Variants in ATP10B observed in about 807,000 individuals in gnomAD.
ATP10B encodes the protein ATPase phospholipid transporting 10B (putative).
Under a neutral mutation model 141.2 loss-of-function variants are expected in ATP10B, and 122 were observed. The ratio of observed to expected loss-of-function variants is 0.86; its 90% CI spans 0.75 to 1.00. The LOEUF (loss-of-function observed/expected upper bound fraction) is 1.00. ATP10B is among the 50% of genes least tolerant of loss of function. The pLI is 0.00. For synonymous variants in ATP10B, 685 were observed against 692.0 expected, an observed-to-expected ratio of 0.99 and a Z score of 0.16; for missense variants, 1,876 against 1,825.3, an observed-to-expected ratio of 1.03 and a Z score of -0.51.
At chr5:160,745,045 C>G (rs1767709306) in intron 2 of ATP10B, among the ~76,000 whole-genome samples, 1 of 152,222 alleles carries the variant, frequency 6.6e-6, no homozygotes, top group Non-Finnish European at 1.5e-5. Flanking sequence ...TCAGTTTCCT[C>G]AAAGGGTTGT....
intron 2 of ATP10B, among the ~76,000 whole-genome samples, chr5:160,781,139 G>T (rs1387225131): frequency 6.6e-6 from 1 of 152,120 alleles, no homozygotes; most frequent in Non-Finnish European, 1.5e-5. Context: ...AGAAATCCAG[G>T]TGAATGACCA....
Position 160,620,901 on chromosome 5 carries a change from A to G in ATP10B, c.1862T>C (p.Ile621Thr). ...CTTCAACTTCTGGAAGAGCTGCTGA[A>G]TCTTCTCCAGGGACGTCCCCAGAGC... Reference protein sequence around the residue: ...SKALGTSLEKIQQLFQKLKLL... With the variant: ...SKALGTSLEKTQQLFQKLKLL... The change falls in exon 15 of 26, where the codon ATT becomes ACT. Residue 621 changes from isoleucine (I) to threonine (T), a missense_variant. Transcript: ENST00000327245. 6.2e-7 allele frequency: 1 copy of G among 1,614,200 alleles called. No individual in the cohort carries two copies. The highest frequency in any genetic ancestry group is 8.5e-7 in the Non-Finnish European group (1 of 1,180,032).
chr5:160,786,271 C>A (rs1446923824), intron 1 of ATP10B, among the ~76,000 whole-genome samples: 3 of 152,272 alleles, frequency 2.0e-5, no homozygotes, highest in East Asian at 1.9e-4. Context: ...CATGGGAAAT[C>A]AAGACTGCAG....
At chr5:160,923,407 GTAAACGATGATGACA>G in the ATP10B span, among the ~76,000 whole-genome samples, 2 of 152,154 alleles carry the variant, frequency 1.3e-5, no homozygotes, top group Admixed American at 6.5e-5. Context: ...TTTCTAATCT[GTAAACGATGATGACA>G]GTATTTACCT....
At chr5:160,730,612 G>A (rs959184442) in intron 2 of ATP10B, among the ~76,000 whole-genome samples, 20 of 151,890 alleles carry the variant, frequency 1.3e-4, no homozygotes, top group African/African-American at 4.8e-4. Context: ...TTTTTCTTTT[G>A]CATGTGCACA....
intron 2 of ATP10B, among the ~76,000 whole-genome samples, chr5:160,751,857 A>G (rs35947123): frequency 0.027 from 4,161 of 152,272 alleles, 76 homozygotes; most frequent in Non-Finnish European, 0.043. Context: ...GAAAAAGTAT[A>G]TTTCACATTT....
rs987875775 is a variant in ATP10B, at chr5:160,615,694, C to T, written c.2653+144G>A. ...TGTCTGGGTTGGGTATTGGCATGGC[C>T]CATTTGTGCCAAATACCTGGAAGGG... is the stretch of plus-strand genomic sequence containing the variant. On this transcript the variant is annotated intron_variant, in intron 17 of 25. Coordinates refer to ENST00000327245, the MANE Select transcript of ATP10B (RefSeq NM_025153.3). The T allele has an allele frequency of 4.0e-6, 4 of 992,860 alleles. No homozygotes were observed. In the African/African-American group the frequency reaches 4.8e-5, roughly 12 times the overall value. 61.5% of individuals were successfully genotyped at this position (992,860 alleles called of 1,614,324 possible).
At chr5:160,815,049 C>A (rs1249892581) in intron 1 of ATP10B, among the ~76,000 whole-genome samples, 1 of 152,106 alleles carries the variant, frequency 6.6e-6, no homozygotes, top group South Asian at 2.1e-4. Context: ...TTGTAAAGAC[C>A]ATCGAGGCTA....
At chr5:160,838,159 G>A (rs1775578078) in intron 1 of ATP10B, among the ~76,000 whole-genome samples, 2 of 152,260 alleles carry the variant, frequency 1.3e-5, no homozygotes, top group Non-Finnish European at 2.9e-5. Context: ...GCATGAAGTT[G>A]GAAAACTACA....
At chr5:160,568,237 T>C (rs1242857477) in intron 25 of ATP10B, among the ~76,000 whole-genome samples, 2 of 151,822 alleles carry the variant, frequency 1.3e-5, no homozygotes, top group Non-Finnish European at 2.9e-5. Context: ...ATAAGAGAGG[T>C]CTGGGGGGAA....
intron 1 of ATP10B, among the ~76,000 whole-genome samples, chr5:160,831,677 G>A (rs922354172): frequency 1.3e-5 from 2 of 152,170 alleles, no homozygotes; most frequent in Non-Finnish European, 1.5e-5. Flanking sequence ...TTCTGGAATA[G>A]CAGATAAGAA....
At position 160,569,686 on chromosome 5, in the gene ATP10B, G is replaced by C. The variant is rs1394281133; in HGVS notation, c.3751-3C>G. ...AGCACGACTCCGTGGAAAATGGTCTGTGGAGGGAAATAAGCAAACACTGTT... is the reference window on the plus strand; with the variant it reads ...AGCACGACTCCGTGGAAAATGGTCTCTGGAGGGAAATAAGCAAACACTGTT... On this transcript the variant is annotated splice_polypyrimidine_tract_variant and splice_region_variant and intron_variant, in intron 24 of 25. Transcript: ENST00000327245. 6.4e-7 allele frequency: 1 copy of C among 1,552,334 alleles called. No individual in the cohort carries two copies. The highest frequency in any genetic ancestry group is 2.3e-5 in the East Asian group (1 of 42,904).
intron 1 of ATP10B, among the ~76,000 whole-genome samples, chr5:160,835,733 C>T (rs1554123630): frequency 6.6e-6 from 1 of 152,096 alleles, no homozygotes; most frequent in Non-Finnish European, 1.5e-5. Flanking sequence ...GCAAGTTAGG[C>T]ATGGCTTAGA....
chr5:160,757,837 T>C (rs1374151301), intron 2 of ATP10B, among the ~76,000 whole-genome samples: 2 of 152,216 alleles, frequency 1.3e-5, no homozygotes, highest in East Asian at 3.8e-4. Flanking sequence ...CATTTTAGGC[T>C]GGATAAGGCT....
At position 160,648,753 on chromosome 5, in the gene ATP10B, G is replaced by A. The variant is rs141779505; in HGVS notation, c.761+418C>T. Among the ~76,000 whole-genome samples the A allele has an allele frequency of 4.7e-3, 721 of 152,088 alleles. 3 individuals are homozygous for A. The highest frequency in any genetic ancestry group is 0.016 in the African/African-American group (681 of 41,480). ...AGAGAGGTGAATTAATTTACCCAAG[G>A]TCATACAGCTTGTAATTTGCAGAAC... On this transcript the variant is annotated intron_variant, in intron 8 of 25. Coordinates refer to ENST00000327245, the MANE Select transcript of ATP10B (RefSeq NM_025153.3).
chr5:160,695,495 T>A (rs1267557947), intron 3 of ATP10B, among the ~76,000 whole-genome samples: 11 of 87,712 alleles, frequency 1.3e-4, no homozygotes, highest in Admixed American at 2.0e-4. Context: ...AGTGAGTGTG[T>A]GTGTGTGTGT....
chr5:160,850,851 A>G lies in ATP10B; in HGVS notation c.-576+1090T>C, dbSNP rs555716396. ...CCATATAATTAGGCTGTAAGAAATG[A>G]ATTTTCCAAGAATTTTTTAAAAAGT... On this transcript the variant is annotated intron_variant, in intron 1 of 25. Transcript: ENST00000327245. 3.3e-5 allele frequency among the ~76,000 whole-genome samples: 5 copies of G among 152,352 alleles called. 1 individual carries two copies. The South Asian group carries it at 1.0e-3, about 32-fold the overall frequency.
intron 2 of ATP10B, among the ~76,000 whole-genome samples, chr5:160,723,554 G>C (rs566955200): frequency 6.6e-6 from 1 of 152,232 alleles, no homozygotes; most frequent in East Asian, 1.9e-4. Context: ...AGCATAATTT[G>C]TCCCCAAATG....
At chr5:160,791,510 C>A (rs1479202929) in intron 1 of ATP10B, among the ~76,000 whole-genome samples, 4 of 152,112 alleles carry the variant, frequency 2.6e-5, no homozygotes, top group Non-Finnish European at 5.9e-5. Flanking sequence ...AGTCCAGGGC[C>A]TTCCACCATG....
Sources: allele counts gnomAD v4.1 joint callset (sites outside exome capture counted in the v4.1 genomes callset), GRCh38; gene constraint gnomAD v4.1.1; transcripts MANE v1.5; gene names NCBI Gene and HGNC (gene_info 2026-07-23, HGNC 2026-07-21).